ZNF148: variants seen among roughly 807,000 people sequenced by gnomAD.
The protein encoded by ZNF148 is Beta-Enolase Repressor Factor-1.
ZNF148 carries 7 observed loss-of-function variants against 67.7 expected under a neutral mutation model. That is an observed-to-expected ratio of 0.10 (90% CI 0.06 to 0.19). ZNF148 has a LOEUF of 0.19. Among genes scored for constraint, ZNF148 ranks in the 10% least tolerant of loss-of-function variants. ZNF148 has a pLI of 1.00. For synonymous variants in ZNF148, 333 were observed against 330.7 expected, an observed-to-expected ratio of 1.01 and a Z score of -0.08; for missense variants, 583 against 947.1, an observed-to-expected ratio of 0.62 and a Z score of 5.05.
Position 125,257,289 on chromosome 3 carries a change from C to T in ZNF148, c.667+20437G>A, listed in dbSNP as rs4679374. Among the ~76,000 whole-genome samples the T allele has an allele frequency of 5.8e-3, 884 of 152,084 alleles. 2 individuals carry two copies. Among genetic ancestry groups the T allele is most frequent in the Admixed American group, 9.0e-3 (138 of 15,274 alleles). On this transcript the variant is annotated intron_variant, in intron 7 of 8. Coordinates refer to ENST00000360647, the MANE Select transcript of ZNF148 (RefSeq NM_021964.3). ...AGGTTTGGCCGGGCACGGTGGCTCACGCCTGTAATCCCAGCACTTTGGGAG... is the reference window on the plus strand; with the variant it reads ...AGGTTTGGCCGGGCACGGTGGCTCATGCCTGTAATCCCAGCACTTTGGGAG...
intron 4 of ZNF148, among the ~76,000 whole-genome samples, chr3:125,306,494 A>T (rs981095399): frequency 2.6e-5 from 4 of 152,214 alleles, no homozygotes; most frequent in African/African-American, 9.6e-5. Context: ...ATATTAATAG[A>T]ACTTTGGTCA....
intron 5 of ZNF148, among the ~76,000 whole-genome samples, chr3:125,280,510 C>T (rs982307931): frequency 1.3e-5 from 2 of 151,546 alleles, no homozygotes; most frequent in Non-Finnish European, 2.9e-5. Flanking sequence ...GAGGAAACCC[C>T]GTCTCCACTA....
At position 125,232,835 on chromosome 3, in the gene ZNF148, C is replaced by G; in HGVS notation, c.1891G>C (p.Val631Leu). ...AYLNSPSLNF[V>L]TDNQTLPNQP... ...TTTGGGAGGGTCTGGTTATCAGTCA[C>G]AAAGTTAAGGCTCGGGCTATTCAAA... The change falls in exon 9 of 9, where the codon GTG becomes CTG. Residue 631 changes from valine (V) to leucine (L), a missense_variant. This residue lies in a region of ZNF148 where 158 missense variants were observed against 208.4 expected (regional missense o/e 0.76). Coordinates refer to ENST00000360647, the MANE Select transcript of ZNF148 (RefSeq NM_021964.3). This position sits in a 1 kb window ranked among gnomAD's most constrained non-coding sequence, Gnocchi z 4.2. 3 of 1,613,860 alleles carry G rather than the reference C, an allele frequency of 1.9e-6. No individual in the cohort carries two copies. Among genetic ancestry groups the G allele is most frequent in the Non-Finnish European group, 2.5e-6 (3 of 1,179,824 alleles).
intron 6 of ZNF148, 34 bp from the exon 7 acceptor site, chr3:125,277,843 T>A: frequency 3.2e-6 from 5 of 1,565,034 alleles, no homozygotes; most frequent in Non-Finnish European, 3.5e-6. Flanking sequence ...AATTAGTTAC[T>A]GAATAAAACA....
chr3:125,278,127 G>A (rs371070157), intron 6 of ZNF148, among the ~76,000 whole-genome samples: 1 of 152,244 alleles, frequency 6.6e-6, no homozygotes, highest in East Asian at 1.9e-4. Flanking sequence ...GTTCTCACGT[G>A]TCCTAAACAT....
At chr3:125,250,576 A>G (rs1936796312) in intron 7 of ZNF148, among the ~76,000 whole-genome samples, 1 of 152,254 alleles carries the variant, frequency 6.6e-6, no homozygotes, top group South Asian at 2.1e-4. Flanking sequence ...ATGTAGACCA[A>G]TAATATGCCA....
chr3:125,237,079 A>C (rs1936124866), intron 7 of ZNF148, among the ~76,000 whole-genome samples: 1 of 152,242 alleles, frequency 6.6e-6, no homozygotes, highest in Non-Finnish European at 1.5e-5. Flanking sequence ...GAGGCAATCC[A>C]TTCCAGAATA....
At chr3:125,295,865 CAA>C (rs965511013) in intron 4 of ZNF148, among the ~76,000 whole-genome samples, 55 of 152,186 alleles carry the variant, frequency 3.6e-4, no homozygotes, top group African/African-American at 1.1e-3. Context: ...ATCAGAAAAT[CAA>C]AAGAGATTAC....
In ZNF148 at chr3:125,226,749, T is replaced by C. The variant is rs1935654184; in HGVS notation, c.*5592A>G. On this transcript the variant is annotated 3_prime_UTR_variant, in exon 9 of 9. Transcript: ENST00000360647. ...TTTAAAGAAACAAAAAACCTCCCAA[T>C]TGTTTAAAAACAATTCTATTTGGAG... The C allele has an allele frequency of 6.6e-6, 1 of 152,646 alleles. No homozygotes were observed. 9.5% of individuals were successfully genotyped at this position (152,646 alleles called of 1,614,324 possible).
chr3:125,235,133 G>C (rs572543217), intron 7 of ZNF148, among the ~76,000 whole-genome samples: 219 of 152,278 alleles, frequency 1.4e-3, no homozygotes, highest in Non-Finnish European at 2.5e-3. Context: ...CTTGAATAAT[G>C]CTTGTTGGGG....
At chr3:125,260,719 T>C (rs909806504) in intron 7 of ZNF148, among the ~76,000 whole-genome samples, 2 of 152,168 alleles carry the variant, frequency 1.3e-5, no homozygotes, top group Non-Finnish European at 2.9e-5. Flanking sequence ...CACAGAACTA[T>C]ACACTAAAAA....
intron 3 of ZNF148, 92 bp from the exon 4 acceptor site, chr3:125,313,748 A>G (rs1403571438): frequency 8.7e-6 from 9 of 1,029,400 alleles, no homozygotes; most frequent in Non-Finnish European, 1.1e-5. Flanking sequence ...TGAACATTCA[A>G]ATACAAAGAT....
At chr3:125,330,579 G>C (rs1559761564) in intron 2 of ZNF148, among the ~76,000 whole-genome samples, 1 of 151,494 alleles carries the variant, frequency 6.6e-6, no homozygotes, top group Non-Finnish European at 1.5e-5. Context: ...TGTAATCCTA[G>C]CACTTTGGGA....
At chr3:125,293,075 T>C (rs563018350) in intron 4 of ZNF148, among the ~76,000 whole-genome samples, 2 of 152,354 alleles carry the variant, frequency 1.3e-5, no homozygotes, top group South Asian at 2.1e-4. Flanking sequence ...TAAGTTTTAT[T>C]GTGACAAATT....
chr3:125,310,840 T>TA (rs1940170720), intron 4 of ZNF148: 1 of 180,162 alleles, frequency 5.6e-6, no homozygotes, highest in Non-Finnish European at 1.2e-5. Flanking sequence ...AATGGACACT[T>TA]AAAAATTGTT....
At chr3:125,305,554 G>C (rs1939827957) in intron 4 of ZNF148, among the ~76,000 whole-genome samples, 1 of 152,078 alleles carries the variant, frequency 6.6e-6, no homozygotes, top group South Asian at 2.1e-4. Context: ...GCTCACACCT[G>C]TAATCCCAGT....
intron 7 of ZNF148, among the ~76,000 whole-genome samples, chr3:125,250,919 T>C (rs1221665628): frequency 6.6e-6 from 1 of 152,174 alleles, no homozygotes; most frequent in Non-Finnish European, 1.5e-5. Context: ...ATGGATCTTT[T>C]CAAACATACA....
At chr3:125,243,280 C>T (rs1263943159) in intron 7 of ZNF148, among the ~76,000 whole-genome samples, 1 of 152,144 alleles carries the variant, frequency 6.6e-6, no homozygotes, top group African/African-American at 2.4e-5. Context: ...GTTATATCTT[C>T]TATTCCCTGC....
In ZNF148 at chr3:125,228,721, GAAGACTCACATAAAAGTCCTTGATTGTC is replaced by G. The variant is rs1453866294; in HGVS notation, c.*3592_*3619del. 1 of 152,388 alleles carries G rather than the reference GAAGACTCACATAAAAGTCCTTGATTGTC, an allele frequency of 6.6e-6. No homozygotes were observed. Among genetic ancestry groups the G allele is most frequent in the Non-Finnish European group, 1.5e-5 (1 of 67,968 alleles). The allele number at this position is 152,388 out of a possible 1,614,324, so 9.4% of individuals were successfully genotyped here. On this transcript the variant is annotated 3_prime_UTR_variant, in exon 9 of 9. Transcript: ENST00000360647. ...CATAACATTAATAAACATCATAAAG[GAAGACTCACATAAAAGTCCTTGATTGTC>G]AAGACACGTTTATATATAAACTCTA...
Sources: allele counts gnomAD v4.1 joint callset (sites outside exome capture counted in the v4.1 genomes callset), GRCh38; gene constraint gnomAD v4.1.1; regional missense constraint gnomAD v4.1.1; non-coding constraint Gnocchi (gnomAD v3.1); transcripts MANE v1.5; gene names NCBI Gene and HGNC (gene_info 2026-07-23, HGNC 2026-07-21).